Variants in DDX46 observed in about 807,000 individuals in gnomAD.
DDX46 encodes the protein DEAD-box helicase 46.
DDX46 carries 30 observed loss-of-function variants against 134.9 expected under a neutral mutation model. The observed-to-expected ratio is 0.22, with a 90% CI of 0.17 to 0.30. The LOEUF is 0.30. DDX46 is among the 10% of genes least tolerant of loss of function. The probability of loss-of-function intolerance (pLI) is 1.00; values close to 1 mark genes in which losing one functional copy is unlikely to be tolerated. For missense variants in DDX46, 622 were observed against 1,248.7 expected (o/e 0.50, Z 7.56); for synonymous variants, 415 against 404.1 (o/e 1.03, Z -0.32).
Position 134,773,676 on chromosome 5 carries a change from C to A in DDX46, c.448-20C>A. ...GCTTTTTATTTTCCCCCATCTCTTT[C>A]TTTCTTTTATTCCCCCAAGAACTTT... On this transcript the variant is annotated intron_variant, in intron 4 of 22. Coordinates refer to ENST00000452510, the MANE Select transcript of DDX46 (RefSeq NM_001300860.2). The A allele has an allele frequency of 6.4e-7, 1 of 1,554,614 alleles. No individual in the cohort carries two copies.
At chr5:134,799,184 T>C (rs1275351979) in intron 15 of DDX46, among the ~76,000 whole-genome samples, 1 of 152,170 alleles carries the variant, frequency 6.6e-6, no homozygotes, top group Non-Finnish European at 1.5e-5. Context: ...ATGATTTTTT[T>C]AGCTACTATT....
chr5:134,785,386 G>T, intron 10 of DDX46, 79 bp from the exon 11 acceptor site: 13 of 1,402,624 alleles, frequency 9.3e-6, no homozygotes, highest in Non-Finnish European at 1.2e-5. Flanking sequence ...GAACTTTATT[G>T]TAAAGGTTAA....
chr5:134,777,853 G>T, intron 6 of DDX46, 128 bp downstream of exon 6: 2 of 1,147,392 alleles, frequency 1.7e-6, no homozygotes, highest in Non-Finnish European at 2.4e-6. Context: ...TCTGAGAGAT[G>T]GCAGTACTTT....
intron 21 of DDX46, 76 bp from the exon 22 acceptor site, chr5:134,826,871 C>A: frequency 1.4e-6 from 2 of 1,447,694 alleles, no homozygotes; most frequent in Non-Finnish European, 1.9e-6. Context: ...AGTGTTTCTT[C>A]CTGGACCTCC....
At chr5:134,803,918 C>CT (rs201944776) in intron 15 of DDX46, among the ~76,000 whole-genome samples, 8,880 of 93,452 alleles carry the variant, frequency 0.095, 507 homozygotes, top group East Asian at 0.17. Context: ...GATGATTCTT[C>CT]TTTTTTTTTT....
At chr5:134,791,500 G>A (rs1754502160) in intron 13 of DDX46, among the ~76,000 whole-genome samples, 1 of 151,914 alleles carries the variant, frequency 6.6e-6, no homozygotes, top group Non-Finnish European at 1.5e-5. Context: ...GGCGGAGCTT[G>A]CAGTGAGCTG....
rs938779657 is a variant in DDX46, at chr5:134,811,990, A to G, written c.2436+145A>G. 17 of 812,300 alleles carry G rather than the reference A, an allele frequency of 2.1e-5. No homozygotes were observed. In the African/African-American group the frequency reaches 2.8e-4, roughly 14 times the overall value. 50.3% of individuals were successfully genotyped at this position (812,300 alleles called of 1,614,324 possible). A position where few individuals can be genotyped will look rare whatever the true frequency, so the allele number is the denominator to read the frequency against. On this transcript the variant is annotated intron_variant, in intron 18 of 22. Transcript: ENST00000452510. ...CAGAACAGTTTTGGAAAATCTGCCTACTACATACCAGTACCCCTCCTCTCA... is the reference window on the plus strand; with the variant it reads ...CAGAACAGTTTTGGAAAATCTGCCTGCTACATACCAGTACCCCTCCTCTCA...
Position 134,768,603 on chromosome 5 carries a change from A to G in DDX46, c.350+1543A>G, listed in dbSNP as rs906225070. Among the ~76,000 whole-genome samples the G allele has an allele frequency of 1.1e-4, 16 of 151,984 alleles. 1 individual carries two copies. The highest frequency in any genetic ancestry group is 3.9e-4 in the African/African-American group (16 of 41,342). Reference sequence around the variant, plus strand: ...GGTATCTTACATCAAATCTGGAAGGATTTCTAAACTACTTTAAAAAGCACC... The same window carrying G: ...GGTATCTTACATCAAATCTGGAAGGGTTTCTAAACTACTTTAAAAAGCACC... On this transcript the variant is annotated intron_variant, in intron 3 of 22. Coordinates refer to ENST00000452510, the MANE Select transcript of DDX46 (RefSeq NM_001300860.2).
chr5:134,764,083 A>T lies in DDX46; in HGVS notation c.197A>T (p.Lys66Met). The change falls in exon 2 of 23, where the codon AAG (lysine) becomes ATG (methionine). Residue 66 changes from lysine (K) to methionine (M), a missense_variant. Physicochemically the swap from Lys to Met is moderately conservative, Grantham distance 95. Around this residue, in one of 8 missense-constraint regions of DDX46, gnomAD observed 244 missense variants for 349.3 expected, o/e 0.70. Coordinates refer to ENST00000452510, the MANE Select transcript of DDX46 (RefSeq NM_001300860.2). The part of the protein sequence containing the change: ...DKRRSRSRDR[K>M]RLRRSRSRER... ...AGAAGATCTCGGTCAAGGGACAGGA[A>T]GCGTCTGAGGTAAGACATTAATTAA... The T allele has an allele frequency of 2.5e-6, 4 of 1,612,624 alleles. No individual in the cohort carries two copies. The highest frequency in any genetic ancestry group is 3.4e-6 in the Non-Finnish European group (4 of 1,179,342).
intron 15 of DDX46, among the ~76,000 whole-genome samples, chr5:134,796,674 G>A (rs1217483880): frequency 1.3e-5 from 2 of 151,970 alleles, no homozygotes; most frequent in Non-Finnish European, 2.9e-5. Context: ...CCAACATGGC[G>A]AAACTCCATC....
At chr5:134,762,307 A>G (rs569918759) in intron 1 of DDX46, among the ~76,000 whole-genome samples, 1 of 151,386 alleles carries the variant, frequency 6.6e-6, no homozygotes, top group East Asian at 2.0e-4. Context: ...GGTCTCAGCT[A>G]CTCTGGAGAT....
At chr5:134,766,571 A>T (rs1753574034) in intron 2 of DDX46, among the ~76,000 whole-genome samples, 1 of 150,044 alleles carries the variant, frequency 6.7e-6, no homozygotes, top group Non-Finnish European at 1.5e-5. Context: ...AAAAAAAAAA[A>T]TTAGCCGGGC....
At chr5:134,823,157 CTTTTTT>C (rs201053941) in intron 21 of DDX46, among the ~76,000 whole-genome samples, 9 of 111,220 alleles carry the variant, frequency 8.1e-5, no homozygotes, top group Middle Eastern at 9.1e-3. Flanking sequence ...TTAATTTCAT[CTTTTTT>C]TTTTTTTTTT....
chr5:134,774,962 A>G (rs1282273943), intron 5 of DDX46, among the ~76,000 whole-genome samples: 1 of 152,074 alleles, frequency 6.6e-6, no homozygotes, highest in Admixed American at 6.6e-5. Context: ...TCAAGTAGTC[A>G]GGATTACAGG....
rs553698227 is a variant in DDX46 at position 134,790,301 on chromosome 5, A to G, written c.1544-169A>G. 8.5e-5 allele frequency: 54 copies of G among 634,290 alleles called. No individual in the cohort carries two copies. The African/African-American group carries it at 9.4e-4, about 11-fold the overall frequency. The allele number at this position is 634,290 out of a possible 1,614,324, so 39.3% of individuals were successfully genotyped here. ...AAAGTATTTGCCACTAGATTAAGAC[A>G]TTGTAGATCAAAATTTCTTTTCACT... On this transcript the variant is annotated intron_variant, in intron 12 of 22. Coordinates refer to ENST00000452510, the MANE Select transcript of DDX46 (RefSeq NM_001300860.2).
chr5:134,777,642 T>C lies in DDX46; in HGVS notation c.682T>C (p.Leu228=). The C allele has an allele frequency of 6.2e-7, 1 of 1,613,894 alleles. No individual in the cohort carries two copies. The highest frequency in any genetic ancestry group is 1.1e-5 in the South Asian group (1 of 91,056). ...NEMEGEELDP[L]DAYMEEVKEE... ...AATGGAGGGTGAGGAGTTAGATCCA[T>C]TAGATGCTTACATGGAAGAAGTGAA... Residue 228 remains leucine, a synonymous_variant, in exon 6 of 23, where the codon TTA becomes CTA. Transcript: ENST00000452510.
At chr5:134,784,062 T>A (rs2150142309) in intron 9 of DDX46, among the ~76,000 whole-genome samples, 1 of 152,252 alleles carries the variant, frequency 6.6e-6, no homozygotes, top group Non-Finnish European at 1.5e-5. Flanking sequence ...TCCCCACCCC[T>A]GGGCAACCAT....
rs186999685 is a variant in DDX46 at position 134,790,689 on chromosome 5, T to C, written c.1626+137T>C. 4.9e-3 allele frequency: 3,431 copies of C among 702,490 alleles called. 16 individuals carry two copies. The highest frequency in any genetic ancestry group is 0.035 in the Middle Eastern group (103 of 2,934). The allele number at this position is 702,490 out of a possible 1,614,324, so 43.5% of individuals were successfully genotyped here. On this transcript the variant is annotated intron_variant, in intron 13 of 22. Transcript: ENST00000452510. ...ACGGTAATACAGAAGACTGGGGACA[T>C]ACAGTATTGAAGTACATATTTATGT...
At position 134,828,780 on chromosome 5, in the gene DDX46, T is replaced by C; in HGVS notation, c.*74T>C. 3.7e-6 allele frequency: 4 copies of C among 1,074,060 alleles called. No homozygotes were observed. Among genetic ancestry groups the C allele is most frequent in the Non-Finnish European group, 5.1e-6 (4 of 791,476 alleles). 66.5% of individuals were successfully genotyped at this position (1,074,060 alleles called of 1,614,324 possible). On this transcript the variant is annotated 3_prime_UTR_variant, in exon 23 of 23. Coordinates refer to ENST00000452510, the MANE Select transcript of DDX46 (RefSeq NM_001300860.2). ...CAGTTGCTGTCTGCAGTTTACAATG[T>C]ATTGTAAATGAAGATTTTTTAAATT...
Sources: allele counts gnomAD v4.1 joint callset (sites outside exome capture counted in the v4.1 genomes callset), GRCh38; gene constraint gnomAD v4.1.1; regional missense constraint gnomAD v4.1.1; transcripts MANE v1.5; gene names NCBI Gene and HGNC (gene_info 2026-07-23, HGNC 2026-07-21).